The following KCND3 variants were observed in gnomAD, a reference collection of about 807,000 sequenced individuals.
KCND3 encodes the protein potassium voltage-gated channel subfamily D member 3.
Under a neutral mutation model 51.1 loss-of-function variants are expected in KCND3, and 9 were observed. The observed-to-expected ratio is 0.18, with a 90% CI of 0.11 to 0.31. KCND3 has a LOEUF of 0.31. Ranked by LOEUF, KCND3 falls within the 10% of genes least tolerant of loss-of-function variation. The pLI is 1.00. For synonymous variants in KCND3, 349 were observed against 368.0 expected (o/e 0.95, Z 0.59); for missense variants, 526 against 903.8 (o/e 0.58, Z 5.36).
intron 2 of KCND3, among the ~76,000 whole-genome samples, chr1:111,795,939 G>A (rs1028072719): frequency 6.6e-6 from 1 of 152,192 alleles, no homozygotes; most frequent in Non-Finnish European, 1.5e-5. Flanking sequence ...AATGATCAAT[G>A]ATGTTGAACT....
chr1:111,848,988 C>T (rs565850157), intron 2 of KCND3, among the ~76,000 whole-genome samples: 1 of 152,150 alleles, frequency 6.6e-6, no homozygotes, highest in Non-Finnish European at 1.5e-5. Flanking sequence ...CCTGCCCCTC[C>T]CTCTCCTTTC....
intron 2 of KCND3, among the ~76,000 whole-genome samples, chr1:111,930,941 CTG>C (rs1671940710): frequency 6.6e-6 from 1 of 152,232 alleles, no homozygotes; most frequent in Admixed American, 6.5e-5. Flanking sequence ...TTAAACCAAA[CTG>C]TGTGCTGGGG....
chr1:111,862,692 T>C (rs1668391554), intron 2 of KCND3, among the ~76,000 whole-genome samples: 1 of 152,210 alleles, frequency 6.6e-6, no homozygotes, highest in Non-Finnish European at 1.5e-5. Context: ...GACCTTAACC[T>C]CCCTTACCTC....
At chr1:111,895,852 G>A (rs1225932808) in intron 2 of KCND3, among the ~76,000 whole-genome samples, 2 of 152,346 alleles carry the variant, frequency 1.3e-5, no homozygotes, top group African/African-American at 4.8e-5. Context: ...ACTCCTGGGG[G>A]TAAGAGTATG....
At chr1:111,864,006 G>C (rs1030219834) in intron 2 of KCND3, among the ~76,000 whole-genome samples, 3 of 152,138 alleles carry the variant, frequency 2.0e-5, no homozygotes, top group Non-Finnish European at 2.9e-5. Flanking sequence ...GGCTGACTTG[G>C]AGCTTGCCTT....
intron 2 of KCND3, among the ~76,000 whole-genome samples, chr1:111,874,230 A>AT (rs1181274230): frequency 3.9e-5 from 6 of 152,144 alleles, no homozygotes; most frequent in African/African-American, 1.2e-4. Flanking sequence ...GAGCTTTGTG[A>AT]TTTTCCACTG....
chr1:111,861,954 CACATCAT>C (rs1252586000), intron 2 of KCND3, among the ~76,000 whole-genome samples: 2 of 152,206 alleles, frequency 1.3e-5, no homozygotes, highest in Non-Finnish European at 2.9e-5. Flanking sequence ...AATCCAACCC[CACATCAT>C]CCACAGAGCT....
At chr1:111,868,917 A>G (rs181383864) in intron 2 of KCND3, among the ~76,000 whole-genome samples, 70 of 152,092 alleles carry the variant, frequency 4.6e-4, no homozygotes, top group African/African-American at 1.3e-3. Context: ...TTAACTTTTT[A>G]TTTTTGGTAG....
At chr1:111,957,001 C>T (rs886273027) in intron 2 of KCND3, among the ~76,000 whole-genome samples, 2 of 152,190 alleles carry the variant, frequency 1.3e-5, no homozygotes, top group Non-Finnish European at 2.9e-5. Flanking sequence ...GTACTCAGCG[C>T]TATGTTTAAG....
At chr1:111,979,609 C>T (rs2101987879) in intron 2 of KCND3, among the ~76,000 whole-genome samples, 1 of 152,250 alleles carries the variant, frequency 6.6e-6, no homozygotes, top group East Asian at 1.9e-4. Context: ...ATTGGAGCAG[C>T]CAGATTGGTA....
intron 2 of KCND3, among the ~76,000 whole-genome samples, chr1:111,813,107 T>C (rs1446675290): frequency 6.6e-6 from 1 of 152,074 alleles, no homozygotes; most frequent in Non-Finnish European, 1.5e-5. Flanking sequence ...GGTGAGGAGT[T>C]TGCCTGGAGG....
intron 2 of KCND3, chr1:111,909,703 AC>A (rs1205057209): frequency 1.3e-5 from 2 of 152,240 alleles, no homozygotes; most frequent in Non-Finnish European, 2.9e-5. Context: ...AAGGACAAGA[AC>A]CAGTGAAGCC....
intron 3 of KCND3, 31 bp downstream of exon 3, chr1:111,786,913 C>A: frequency 6.2e-7 from 1 of 1,613,306 alleles, no homozygotes; most frequent in Non-Finnish European, 8.5e-7. Flanking sequence ...ATCCTTTACA[C>A]TGCCCCCGCT....
chr1:111,799,759 T>A (rs1281893891), intron 2 of KCND3, among the ~76,000 whole-genome samples: 1 of 152,266 alleles, frequency 6.6e-6, no homozygotes, highest in African/African-American at 2.4e-5. Flanking sequence ...CACACTGACA[T>A]GGATGAATAC....
chr1:111,853,107 G>A (rs1667898238), intron 2 of KCND3, among the ~76,000 whole-genome samples: 1 of 152,228 alleles, frequency 6.6e-6, no homozygotes, highest in Non-Finnish European at 1.5e-5. Context: ...CTTTCCAGGT[G>A]GAGAAATCGA....
In KCND3 at chr1:111,859,452, C is replaced by A. The variant is rs1229778963; in HGVS notation, c.1107-72346G>T. ...TGTGGTACTTTACTCTCTCCCTGAA[C>A]CCAGCTAGAACCACTGAAGAGACCC... On this transcript the variant is annotated intron_variant, in intron 2 of 7. Coordinates refer to ENST00000302127, the MANE Select transcript of KCND3 (RefSeq NM_001378969.1). Among the ~76,000 whole-genome samples the A allele has an allele frequency of 2.0e-5, 3 of 152,350 alleles. No homozygotes were observed. In the East Asian group the frequency reaches 5.8e-4, roughly 29 times the overall value.
At chr1:111,839,811 G>T (rs543797279) in intron 2 of KCND3, among the ~76,000 whole-genome samples, 4 of 152,362 alleles carry the variant, frequency 2.6e-5, no homozygotes, top group African/African-American at 9.6e-5. Flanking sequence ...ATTCAACCAG[G>T]TAGGTCTGAT....
chr1:111,949,566 G>A (rs1672954169), intron 2 of KCND3, among the ~76,000 whole-genome samples: 1 of 152,156 alleles, frequency 6.6e-6, no homozygotes, highest in Admixed American at 6.5e-5. Flanking sequence ...AAAAGGGCAG[G>A]AAGCAGGAGT....
rs143654921 is a variant in KCND3, at chr1:111,870,917, C to T, written c.1107-83811G>A. Among the ~76,000 whole-genome samples the T allele has an allele frequency of 4.7e-3, 720 of 152,204 alleles. 7 individuals are homozygous for T. The highest frequency in any genetic ancestry group is 0.016 in the African/African-American group (656 of 41,514). ...TAGGGATATAACAGTAGGGATATAACGGGAATATAACATCCACACATAGGG... is the reference window on the plus strand; with the variant it reads ...TAGGGATATAACAGTAGGGATATAATGGGAATATAACATCCACACATAGGG... On this transcript the variant is annotated intron_variant, in intron 2 of 7. Transcript: ENST00000302127.
Sources: gnomAD v4.1 joint callset for allele counts (sites outside exome capture counted in the v4.1 genomes callset) on GRCh38, gnomAD v4.1.1 for gene constraint, MANE v1.5 for transcripts, NCBI Gene and HGNC (gene_info 2026-07-23, HGNC 2026-07-21) for gene names.